The following AHCYL2 variants were observed in gnomAD, a reference collection of about 807,000 sequenced individuals.
AHCYL2 encodes the protein adenosylhomocysteinase like 2, also known as S-adenosylhomocysteine hydrolase-like protein 2.
AHCYL2 carries 28 observed loss-of-function variants against 81.4 expected under a neutral mutation model. The ratio of observed to expected loss-of-function variants is 0.34; its 90% confidence interval spans 0.25 to 0.47. The LOEUF is 0.47. Ranked by LOEUF, AHCYL2 falls within the 20% of genes least tolerant of loss-of-function variation. The pLI is 1.00. For missense variants in AHCYL2, 551 were observed against 785.1 expected (o/e 0.70, Z 3.56); for synonymous variants, 272 against 290.2 (o/e 0.94, Z 0.64).
At chr7:129,362,687 C>T (rs772108248) in intron 1 of AHCYL2, among the ~76,000 whole-genome samples, 5 of 142,224 alleles carry the variant, frequency 3.5e-5, no homozygotes, top group Non-Finnish European at 7.6e-5. Flanking sequence ...CCAGTTCTAA[C>T]CTTCCACAGT....
intron 1 of AHCYL2, among the ~76,000 whole-genome samples, chr7:129,306,068 A>G (rs1326797678): frequency 6.6e-6 from 1 of 152,138 alleles, no homozygotes; most frequent in African/African-American, 2.4e-5. Flanking sequence ...GCTTTGAGGT[A>G]GTCGTCCTTG....
At chr7:129,258,176 G>A (rs899575012) in intron 1 of AHCYL2, among the ~76,000 whole-genome samples, 1 of 150,466 alleles carries the variant, frequency 6.6e-6, no homozygotes. Flanking sequence ...AATTACCATT[G>A]GAATATTTTT....
At chr7:129,370,600 A>C (rs963024549) in intron 1 of AHCYL2, among the ~76,000 whole-genome samples, 2 of 152,220 alleles carry the variant, frequency 1.3e-5, no homozygotes, top group Non-Finnish European at 2.9e-5. Context: ...CTGGAGGCTG[A>C]GGCAGGAGAA....
chr7:129,364,658 G>C (rs1047875220), intron 1 of AHCYL2, among the ~76,000 whole-genome samples: 2 of 152,098 alleles, frequency 1.3e-5, no homozygotes, highest in African/African-American at 4.8e-5. Flanking sequence ...ATATAATCTA[G>C]TAATTTTCTT....
intron 1 of AHCYL2, among the ~76,000 whole-genome samples, chr7:129,255,928 C>T (rs1466213520): frequency 2.6e-5 from 4 of 152,070 alleles, no homozygotes; most frequent in Admixed American, 6.5e-5. Flanking sequence ...TGCACCATTA[C>T]ACTCCAGCTT....
At chr7:129,280,178 C>CTTTTTTTTTTTT (rs59849233) in intron 1 of AHCYL2, among the ~76,000 whole-genome samples, 63,967 of 111,966 alleles carry the variant, frequency 0.57, 21,523 homozygotes, top group Middle Eastern at 0.67. Flanking sequence ...TTGCTAAATA[C>CTTTTTTTTTTTT]TTTTTTTTTT....
At chr7:129,286,302 G>A (rs1455343387) in intron 1 of AHCYL2, among the ~76,000 whole-genome samples, 1 of 152,078 alleles carries the variant, frequency 6.6e-6, no homozygotes. Flanking sequence ...CCAGGCTGGA[G>A]TGCAGTGGCG....
At chr7:129,379,279 C>CAAA (rs200168015) in intron 1 of AHCYL2, among the ~76,000 whole-genome samples, 2 of 68,330 alleles carry the variant, frequency 2.9e-5, no homozygotes, top group Non-Finnish European at 6.2e-5. Flanking sequence ...AAGTCCATCT[C>CAAA]AAAAAAAAAA....
chr7:129,367,270 G>A (rs1021565347), intron 1 of AHCYL2, among the ~76,000 whole-genome samples: 5 of 152,144 alleles, frequency 3.3e-5, no homozygotes, highest in African/African-American at 4.8e-5. Flanking sequence ...CCTCTTCAAT[G>A]GGAATTAACA....
intron 12 of AHCYL2, among the ~76,000 whole-genome samples, chr7:129,414,474 G>A (rs951792376): frequency 1.4e-5 from 2 of 147,830 alleles, no homozygotes; most frequent in South Asian, 2.1e-4. Flanking sequence ...AGGCTGGAGT[G>A]CAGTGGCGCG....
intron 1 of AHCYL2, among the ~76,000 whole-genome samples, chr7:129,361,917 C>T (rs1341857624): frequency 6.6e-6 from 1 of 151,822 alleles, no homozygotes; most frequent in African/African-American, 2.4e-5. Flanking sequence ...TTTGATTATC[C>T]CAGCAATCCT....
At chr7:129,383,251 G>T (rs1795047685) in intron 2 of AHCYL2, among the ~76,000 whole-genome samples, 1 of 151,672 alleles carries the variant, frequency 6.6e-6, no homozygotes, top group African/African-American at 2.4e-5. Context: ...CTGTAGCCTC[G>T]AACTCTTGGG....
intron 1 of AHCYL2, among the ~76,000 whole-genome samples, chr7:129,334,417 G>C (rs999452451): frequency 3.3e-5 from 5 of 152,098 alleles, no homozygotes; most frequent in Non-Finnish European, 7.4e-5. Context: ...TAATACACCA[G>C]CCTTCCTAAC....
At position 129,371,869 on chromosome 7, in the gene AHCYL2, G is replaced by A. The variant is rs187746421; in HGVS notation, c.364-7769G>A. On this transcript the variant is annotated intron_variant, in intron 1 of 16. Transcript: ENST00000325006. ...TTTCATAGGTAAAGAGTTAGTTCAA[G>A]CCGCTCATTTGGCTTGGAAGAGAGA... Among the ~76,000 whole-genome samples the A allele has an allele frequency of 2.6e-5, 4 of 152,308 alleles. No homozygotes were observed. In the East Asian group the frequency reaches 7.7e-4, roughly 29 times the overall value.
At chr7:129,244,840 T>C (rs938001643) in intron 1 of AHCYL2, among the ~76,000 whole-genome samples, 5 of 152,188 alleles carry the variant, frequency 3.3e-5, no homozygotes, top group African/African-American at 1.2e-4. Context: ...CTGGTGTCTT[T>C]GTTGATGTCT....
intron 1 of AHCYL2, among the ~76,000 whole-genome samples, chr7:129,256,144 CCGT>C (rs1200106158): frequency 6.6e-6 from 1 of 152,046 alleles, no homozygotes; most frequent in Non-Finnish European, 1.5e-5. Context: ...GTAATAAATA[CCGT>C]CTACCTGGAA....
rs149558643 is a variant in AHCYL2, at chr7:129,341,439, G to C, written c.364-38199G>C. On this transcript the variant is annotated intron_variant, in intron 1 of 16. Transcript: ENST00000325006. ...ACAAGGGTAGAGGAAAGGTGGATGT[G>C]GGGAGGGAGGCTGAGAACTTCTGTG... 8.9e-3 allele frequency among the ~76,000 whole-genome samples: 1,362 copies of C among 152,266 alleles called. 9 individuals are homozygous for C. The highest frequency in any genetic ancestry group is 0.068 in the Middle Eastern group (20 of 294).
intron 1 of AHCYL2, among the ~76,000 whole-genome samples, chr7:129,234,806 T>G (rs1794581559): frequency 6.6e-6 from 1 of 152,216 alleles, no homozygotes; most frequent in South Asian, 2.1e-4. Context: ...TCTCCTGTCT[T>G]AAAGAATTTC....
chr7:129,411,383 C>G (rs1338631535), intron 11 of AHCYL2, among the ~76,000 whole-genome samples: 1 of 152,152 alleles, frequency 6.6e-6, no homozygotes, highest in Non-Finnish European at 1.5e-5. Context: ...ACCACCATTT[C>G]CCTATTCTGG....
Sources: allele counts gnomAD v4.1 joint callset (sites outside exome capture counted in the v4.1 genomes callset), GRCh38; gene constraint gnomAD v4.1.1; transcripts MANE v1.5; gene names NCBI Gene and HGNC (gene_info 2026-07-23, HGNC 2026-07-21).